CLPX: variants seen among roughly 807,000 people sequenced by gnomAD.
CLPX encodes caseinolytic mitochondrial matrix peptidase chaperone subunit X.
A neutral mutation model predicts 76.4 loss-of-function variants in CLPX; 34 were observed. The observed-to-expected ratio is 0.45, with a 90% CI of 0.34 to 0.59. The LOEUF is 0.59. Among genes scored for constraint, CLPX ranks in the 20% least tolerant of loss-of-function variants. The pLI, the probability that CLPX is intolerant of heterozygous loss-of-function variation, is 0.01. For synonymous variants in CLPX, 248 were observed against 270.9 expected (o/e 0.92, Z 0.83); for missense variants, 613 against 757.0 (o/e 0.81, Z 2.23).
chr15:65,165,250 C>T (rs1490582824), intron 4 of CLPX, among the ~76,000 whole-genome samples: 2 of 152,002 alleles, frequency 1.3e-5, no homozygotes, highest in Non-Finnish European at 2.9e-5. Context: ...ATCACTTGAG[C>T]CCAGGGAGGT....
At position 65,153,133 on chromosome 15, in the gene CLPX, A is replaced by G. The variant is rs141327079; in HGVS notation, c.1704+414T>C. Among the ~76,000 whole-genome samples, 3 of 151,752 alleles carry G rather than the reference A, an allele frequency of 2.0e-5. No homozygotes were observed. The East Asian group carries it at 5.8e-4, about 29-fold the overall frequency. On this transcript the variant is annotated intron_variant, in intron 12 of 13. Transcript: ENST00000300107. ...GTTCCTTTTTGAGAAAAAGCAAAAT[A>G]TAATCTACTGTGACTAAAAAAAAAA...
intron 4 of CLPX, 82 bp downstream of exon 4, chr15:65,166,549 G>A: frequency 7.2e-7 from 1 of 1,381,788 alleles, no homozygotes; most frequent in Non-Finnish European, 1.0e-6. Context: ...CTAGTATTAG[G>A]ATTCAGTGTA....
In CLPX at chr15:65,185,266, G is replaced by A. The variant is rs1256452691; in HGVS notation, c.-113C>T. On this transcript the variant is annotated 5_prime_UTR_variant, in exon 1 of 14. Coordinates refer to ENST00000300107, the MANE Select transcript of CLPX (RefSeq NM_006660.5). ...GTTCCGAACCCTTTCGCGGGCCCTA[G>A]ACCCCGTGGAGAGTTCACCTGCCCG... 7.2e-6 allele frequency: 6 copies of A among 837,286 alleles called. No homozygotes were observed. The African/African-American group carries it at 8.5e-5, about 12-fold the overall frequency. 51.9% of individuals were successfully genotyped at this position (837,286 alleles called of 1,614,324 possible).
intron 11 of CLPX, among the ~76,000 whole-genome samples, chr15:65,154,481 G>T (rs896639480): frequency 1.3e-5 from 2 of 152,180 alleles, no homozygotes; most frequent in Admixed American, 1.3e-4. Context: ...AAAGCATTTA[G>T]AATACCAAGA....
chr15:65,178,702 T>A (rs1379668447), intron 3 of CLPX, among the ~76,000 whole-genome samples: 1 of 145,872 alleles, frequency 6.9e-6, no homozygotes, highest in African/African-American at 2.5e-5. Flanking sequence ...ATACCTGGCT[T>A]TTTTTTTTTT....
intron 1 of CLPX, among the ~76,000 whole-genome samples, chr15:65,183,460 C>CAA (rs61002905): frequency 1.8e-3 from 117 of 66,180 alleles, no homozygotes; most frequent in Non-Finnish European, 2.1e-3. Flanking sequence ...GACTCTGTCT[C>CAA]AAAAAAAAAA....
At chr15:65,161,149 T>C (rs1375260243) in intron 6 of CLPX, among the ~76,000 whole-genome samples, 1 of 152,192 alleles carries the variant, frequency 6.6e-6, no homozygotes, top group Non-Finnish European at 1.5e-5. Context: ...ATTATTACCA[T>C]TTCCCTAGTG....
chr15:65,183,259 G>A (rs1184287215), intron 1 of CLPX, among the ~76,000 whole-genome samples: 2 of 151,550 alleles, frequency 1.3e-5, no homozygotes, highest in South Asian at 4.2e-4. Context: ...TCAGGAGATC[G>A]AGACCATCCT....
intron 12 of CLPX, 68 bp downstream of exon 12, chr15:65,153,479 A>G (rs1444143183): frequency 4.2e-6 from 4 of 957,528 alleles, no homozygotes; most frequent in Non-Finnish European, 4.9e-6. Flanking sequence ...AAAGAAAAAC[A>G]GGGAAGCTTA....
intron 1 of CLPX, chr15:65,184,482 C>G (rs1000130065): frequency 1.3e-5 from 2 of 152,520 alleles, no homozygotes; most frequent in African/African-American, 4.8e-5. Flanking sequence ...GGCCCCGGGG[C>G]TTGCCTGACG....
intron 10 of CLPX, 33 bp downstream of exon 10, chr15:65,155,659 C>G (rs149716210): frequency 1.8e-5 from 29 of 1,571,462 alleles, no homozygotes; most frequent in Non-Finnish European, 2.4e-5. Flanking sequence ...TAAATGCTCT[C>G]TATCCTTCTA....
At chr15:65,171,903 T>C (rs2088012280) in intron 3 of CLPX, among the ~76,000 whole-genome samples, 5 of 152,224 alleles carry the variant, frequency 3.3e-5, no homozygotes, top group Admixed American at 2.6e-4. Context: ...CACTGACATA[T>C]TTTCAACATA....
chr15:65,154,303 G>A (rs912397624), intron 11 of CLPX, among the ~76,000 whole-genome samples: 4 of 152,062 alleles, frequency 2.6e-5, no homozygotes, highest in African/African-American at 4.8e-5. Context: ...CAGTGGCAAC[G>A]GAGAAGAAGA....
intron 3 of CLPX, among the ~76,000 whole-genome samples, chr15:65,177,045 T>C (rs991376959): frequency 1.3e-5 from 2 of 152,108 alleles, no homozygotes; most frequent in Non-Finnish European, 1.5e-5. Context: ...ATCAAATTTG[T>C]TTAGAAGGTT....
At position 65,185,324 on chromosome 15, in the gene CLPX, G is replaced by A. The variant is rs2088245671; in HGVS notation, c.-171C>T. On this transcript the variant is annotated 5_prime_UTR_variant, in exon 1 of 14. Coordinates refer to ENST00000300107, the MANE Select transcript of CLPX (RefSeq NM_006660.5). The stretch of plus-strand genomic sequence containing the variant: ...GGCCTTCACGCTTCTCTGCCCCACA[G>A]CCGTCTATTCACCAGAGTAGACACC... The A allele has an allele frequency of 3.4e-6, 2 of 591,002 alleles. No homozygotes were observed. Among genetic ancestry groups the A allele is most frequent in the Admixed American group, 3.0e-5 (1 of 32,836 alleles). The allele number at this position is 591,002 out of a possible 1,614,324, so 36.6% of individuals were successfully genotyped here.
intron 6 of CLPX, among the ~76,000 whole-genome samples, chr15:65,160,345 A>C (rs2087838245): frequency 6.6e-6 from 1 of 152,202 alleles, no homozygotes; most frequent in African/African-American, 2.4e-5. Context: ...GAGGGTTAAT[A>C]ATTAGTGAAT....
At chr15:65,162,392 AC>A (rs748993751) in intron 6 of CLPX, among the ~76,000 whole-genome samples, 141 of 152,294 alleles carry the variant, frequency 9.3e-4, no homozygotes, top group Non-Finnish European at 1.3e-3. Flanking sequence ...ATAAAAAATA[AC>A]CCAACATATG....
intron 6 of CLPX, among the ~76,000 whole-genome samples, chr15:65,159,159 A>T (rs1333104613): frequency 6.6e-6 from 1 of 152,192 alleles, no homozygotes; most frequent in Admixed American, 6.5e-5. Context: ...AATCAATAAA[A>T]TCTACTAGAG....
chr15:65,176,016 A>T (rs2140645037), intron 3 of CLPX, among the ~76,000 whole-genome samples: 1 of 152,272 alleles, frequency 6.6e-6, no homozygotes, highest in South Asian at 2.1e-4. Context: ...TTTTGCACAT[A>T]AGTGTGTGCT....
Sources: allele counts gnomAD v4.1 joint callset (sites outside exome capture counted in the v4.1 genomes callset), GRCh38; gene constraint gnomAD v4.1.1; transcripts MANE v1.5; gene names NCBI Gene and HGNC (gene_info 2026-07-23, HGNC 2026-07-21).